The following SYNPR variants were observed in gnomAD, a reference collection of about 807,000 sequenced individuals.
SYNPR encodes the protein synaptoporin.
In SYNPR, 23 loss-of-function variants were observed where a neutral mutation model predicts 32.9. The observed-to-expected ratio is 0.70, with a 90% confidence interval of 0.50 to 0.99. The LOEUF is 0.99. Among genes scored for constraint, SYNPR ranks in the 50% least tolerant of loss-of-function variants. The pLI, the probability that SYNPR is intolerant of heterozygous loss-of-function variation, is 0.00. For missense variants in SYNPR, 318 were observed against 349.3 expected (o/e 0.91, Z 0.71); for synonymous variants, 146 against 135.9 (o/e 1.07, Z -0.52).
chr3:63,318,657 C>A (rs889948318), intron 2 of SYNPR, among the ~76,000 whole-genome samples: 3 of 151,932 alleles, frequency 2.0e-5, no homozygotes, highest in Non-Finnish European at 4.4e-5. Flanking sequence ...TCTCTGTTCA[C>A]TTCTTGTATC....
rs938509686 is a variant in SYNPR, at chr3:63,424,331, T to C, written c.85-56501T>C. Among the ~76,000 whole-genome samples the C allele has an allele frequency of 2.0e-5, 3 of 152,298 alleles. No individual in the cohort carries two copies. The East Asian group carries it at 5.8e-4, about 29-fold the overall frequency. On this transcript the variant is annotated intron_variant, in intron 2 of 5. Coordinates refer to ENST00000478300, the MANE Select transcript of SYNPR (RefSeq NM_001130003.2). ...AAGAAAACATCTTGGTGGGGTGTCA[T>C]GTAGGAAAATACTATTTTGAAGGTA...
At chr3:63,485,312 G>C (rs1168007733) in intron 3 of SYNPR, among the ~76,000 whole-genome samples, 1 of 151,586 alleles carries the variant, frequency 6.6e-6, no homozygotes, top group Non-Finnish European at 1.5e-5. Context: ...TTTTTCAGAA[G>C]GTAAGAAAAC....
chr3:63,291,120 A>T (rs2086734461), intron 2 of SYNPR, among the ~76,000 whole-genome samples: 1 of 152,182 alleles, frequency 6.6e-6, no homozygotes, highest in South Asian at 2.1e-4. Context: ...ACTGGATTTG[A>T]AGCCATGCAA....
At chr3:63,566,480 G>C (rs1346342554) in intron 4 of SYNPR, among the ~76,000 whole-genome samples, 5 of 152,032 alleles carry the variant, frequency 3.3e-5, no homozygotes, top group Non-Finnish European at 7.4e-5. Flanking sequence ...GGCTGTGTAG[G>C]CCTCACTGGA....
intron 2 of SYNPR, among the ~76,000 whole-genome samples, chr3:63,406,708 T>A (rs1408550227): frequency 6.6e-6 from 1 of 152,154 alleles, no homozygotes; most frequent in Non-Finnish European, 1.5e-5. Context: ...AATTTGAAGC[T>A]GAGCAATCTT....
chr3:63,598,993 A>C (rs967732806), intron 4 of SYNPR, among the ~76,000 whole-genome samples: 1 of 152,218 alleles, frequency 6.6e-6, no homozygotes, highest in Non-Finnish European at 1.5e-5. Context: ...CTACTCAGGC[A>C]GACCATTACA....
rs142350191 is a variant in SYNPR, at chr3:63,567,940, C to G, written c.408+11199C>G. Among the ~76,000 whole-genome samples the G allele has an allele frequency of 7.2e-5, 11 of 152,306 alleles. No homozygotes were observed. In the East Asian group the frequency reaches 2.1e-3, roughly 29 times the overall value. On this transcript the variant is annotated intron_variant, in intron 4 of 5. Transcript: ENST00000478300. ...CTATCTCAAGAAATAGACAGCTAAGCTTGAATTGCAATGAGTTTCTTATTT... is the reference window on the plus strand; with the variant it reads ...CTATCTCAAGAAATAGACAGCTAAGGTTGAATTGCAATGAGTTTCTTATTT...
chr3:63,324,716 C>G (rs940317067), intron 2 of SYNPR, among the ~76,000 whole-genome samples: 3 of 152,090 alleles, frequency 2.0e-5, no homozygotes. Flanking sequence ...GAAAGGGAAG[C>G]TGCCTGCAGT....
intron 3 of SYNPR, among the ~76,000 whole-genome samples, chr3:63,528,500 C>T (rs7641936): frequency 0.25 from 37,687 of 151,934 alleles, 4,792 homozygotes; most frequent in East Asian, 0.33. Flanking sequence ...AAATGTCACC[C>T]TGAAACTGCA....
intron 4 of SYNPR, among the ~76,000 whole-genome samples, chr3:63,584,710 A>T (rs574899372): frequency 6.6e-6 from 1 of 152,214 alleles, no homozygotes; most frequent in South Asian, 2.1e-4. Context: ...AAGTAGGAAT[A>T]GAGTTATTTT....
chr3:63,300,982 G>A (rs570055267), intron 2 of SYNPR, among the ~76,000 whole-genome samples: 1 of 152,184 alleles, frequency 6.6e-6, no homozygotes, highest in African/African-American at 2.4e-5. Flanking sequence ...TATTGGCAAA[G>A]GAAGACGTAG....
intron 2 of SYNPR, among the ~76,000 whole-genome samples, chr3:63,369,607 G>A (rs2087770797): frequency 6.6e-6 from 1 of 152,150 alleles, no homozygotes; most frequent in Admixed American, 6.5e-5. Flanking sequence ...TTGGAACCTG[G>A]TGTTCAAGCT....
intron 1 of SYNPR, among the ~76,000 whole-genome samples, chr3:63,242,707 G>A (rs1458953554): frequency 1.3e-5 from 2 of 152,050 alleles, no homozygotes; most frequent in East Asian, 3.9e-4. Context: ...AAACATGAAA[G>A]GAAGTGAATT....
chr3:63,571,916 G>A (rs759273017), intron 4 of SYNPR, among the ~76,000 whole-genome samples: 51 of 152,256 alleles, frequency 3.3e-4, no homozygotes, highest in Admixed American at 8.5e-4. Flanking sequence ...AAATGAGCTC[G>A]TTGAAGGTAG....
In SYNPR at chr3:63,234,477, C is replaced by A. The variant is rs528469280; in HGVS notation, n.66+6097C>A. On this transcript the variant is annotated intron_variant and non_coding_transcript_variant, in intron 1 of 4. Coordinates refer to the SYNPR transcript ENST00000478456. ...CAGGCACACCAACCCAGAAATGCTGCCTTCATTGTTTTGGGGTCAAGATGG... is the reference window on the plus strand; with the variant it reads ...CAGGCACACCAACCCAGAAATGCTGACTTCATTGTTTTGGGGTCAAGATGG... 3.7e-4 allele frequency among the ~76,000 whole-genome samples: 57 copies of A among 152,234 alleles called. 1 individual carries two copies. In the South Asian group the frequency reaches 0.012, roughly 31 times the overall value.
At chr3:63,570,032 CTTTG>C (rs537469085) in intron 4 of SYNPR, among the ~76,000 whole-genome samples, 28 of 152,186 alleles carry the variant, frequency 1.8e-4, no homozygotes, top group East Asian at 7.7e-4. Context: ...CTTTCATTGG[CTTTG>C]TTTGTTTGTT....
intron 3 of SYNPR, among the ~76,000 whole-genome samples, chr3:63,525,036 A>G (rs1701987088): frequency 2.0e-5 from 3 of 152,124 alleles, no homozygotes; most frequent in Non-Finnish European, 4.4e-5. Context: ...AGCTAGATTC[A>G]GATAGCACCA....
chr3:63,467,694 A>G (rs1700710237), intron 2 of SYNPR, among the ~76,000 whole-genome samples: 1 of 152,248 alleles, frequency 6.6e-6, no homozygotes, highest in Non-Finnish European at 1.5e-5. Flanking sequence ...CCACATAACA[A>G]TATGCTTAAA....
intron 2 of SYNPR, among the ~76,000 whole-genome samples, chr3:63,466,533 C>T (rs1700684314): frequency 6.6e-6 from 1 of 151,682 alleles, no homozygotes. Flanking sequence ...CATCTGGTTG[C>T]CTCTCTTTTT....
Sources: allele counts gnomAD v4.1 joint callset (sites outside exome capture counted in the v4.1 genomes callset), GRCh38; gene constraint gnomAD v4.1.1; transcripts MANE v1.5; gene names NCBI Gene and HGNC (gene_info 2026-07-23, HGNC 2026-07-21).